Variants in KRT77 observed in about 807,000 individuals in gnomAD.
The protein encoded by KRT77 is keratin, type II cytoskeletal 1b.
KRT77 carries 44 observed loss-of-function variants against 51.5 expected under a neutral mutation model. The ratio of observed to expected loss-of-function variants is 0.85; its 90% CI spans 0.67 to 1.10. KRT77 has a LOEUF of 1.10. KRT77 is among the 50% of genes least tolerant of loss of function. The pLI is 0.00. For synonymous variants in KRT77, 293 were observed against 302.0 expected (o/e 0.97, Z 0.31); for missense variants, 763 against 743.9 (o/e 1.03, Z -0.30).
intron 1 of KRT77, among the ~76,000 whole-genome samples, chr12:52,699,078 C>T (rs1039578971): frequency 3.9e-5 from 6 of 152,194 alleles, no homozygotes; most frequent in African/African-American, 1.4e-4. Flanking sequence ...CTCATTTTTG[C>T]TCACCTTATC....
Position 52,691,043 on chromosome 12 carries a change from G to T in KRT77, c.*122C>A. On this transcript the variant is annotated 3_prime_UTR_variant, in exon 9 of 9. Transcript: ENST00000341809. The stretch of plus-strand genomic sequence containing the variant: ...TTCCCCCATTAGAGTCGAATTTATT[G>T]GCAAAATTGCTGAGACCCATTAAGA... The T allele has an allele frequency of 4.9e-6, 7 of 1,431,302 alleles. No individual in the cohort carries two copies. The highest frequency in any genetic ancestry group is 1.3e-5 in the South Asian group (1 of 78,144). The allele number at this position is 1,431,302 out of a possible 1,614,324, so 88.7% of individuals were successfully genotyped here.
chr12:52,692,040 A>G, intron 7 of KRT77, 68 bp from the exon 8 acceptor site: 2 of 1,536,726 alleles, frequency 1.3e-6, no homozygotes, highest in Middle Eastern at 3.4e-4. Flanking sequence ...TGGCCCACAG[A>G]CATCTGGATC....
At position 52,694,693 on chromosome 12, in the gene KRT77, A is replaced by T. The variant is rs753599284; in HGVS notation, c.1013T>A (p.Val338Glu). 2.5e-6 allele frequency: 4 copies of T among 1,614,012 alleles called. No homozygotes were observed. Among genetic ancestry groups the T allele is most frequent in the Non-Finnish European group, 3.4e-6 (4 of 1,179,870 alleles). Residue 338 changes from valine (V) to glutamate (E), a missense_variant, in exon 5 of 9, where the codon GTG (valine) becomes GAG (glutamate). Val to Glu is a moderately radical substitution (Grantham distance 121). Coordinates refer to ENST00000341809, the MANE Select transcript of KRT77 (RefSeq NM_175078.3). ...SLDLDSIIDAVRTQYELIAQR... is the reference protein window; with the variant it reads ...SLDLDSIIDAERTQYELIAQR... ...TGCAATCAGTTCATACTGGGTCCGC[A>T]CTGCATCGATGATGCTGTCCAGGTC...
rs765155474 is a variant in KRT77 at position 52,691,305 on chromosome 12, T to TCCACTCCC, written c.1596_1597insGGGAGTGG (p.Arg533GlyfsTer92). The TCCACTCCC allele has an allele frequency of 6.2e-6, 10 of 1,603,430 alleles. No homozygotes were observed. In the East Asian group the frequency reaches 1.8e-4, roughly 29 times the overall value. On this transcript the variant is annotated frameshift_variant, in exon 9 of 9. Coordinates refer to ENST00000341809, the MANE Select transcript of KRT77 (RefSeq NM_175078.3). LOFTEE classifies it low-confidence loss of function (END_TRUNC). ...CCGCTGCCATAACCGCCTCCACTCCTGCCTCGTGCCCCGCCTCCGCGGTAG... is the reference window on the plus strand; with the variant it reads ...CCGCTGCCATAACCGCCTCCACTCCTCCACTCCCGCCTCGTGCCCCGCCTCCGCGGTAG...
chr12:52,692,692 G>A lies in KRT77; in HGVS notation c.1207-51C>T, dbSNP rs765890405. 1.1e-5 allele frequency: 17 copies of A among 1,594,638 alleles called. 1 individual carries two copies. Among genetic ancestry groups the A allele is most frequent in the South Asian group, 4.4e-5 (4 of 90,424 alleles). ...TTTAATGGTTAAGTTTCCAGAGCTCGATCTGGCAGGGCATTGTAGGAGGTG... is the reference window on the plus strand; with the variant it reads ...TTTAATGGTTAAGTTTCCAGAGCTCAATCTGGCAGGGCATTGTAGGAGGTG... On this transcript the variant is annotated intron_variant, in intron 6 of 8. Coordinates refer to ENST00000341809, the MANE Select transcript of KRT77 (RefSeq NM_175078.3).
At position 52,698,090 on chromosome 12, in the gene KRT77, A is replaced by G. The variant is rs1430958555; in HGVS notation, c.544-194T>C. The G allele has an allele frequency of 3.4e-6, 5 of 1,487,598 alleles. No individual in the cohort carries two copies. The African/African-American group carries it at 5.6e-5, about 17-fold the overall frequency. 92.1% of individuals were successfully genotyped at this position (1,487,598 alleles called of 1,614,324 possible). ...GTGGTTTCTGACTGCCAATGGCTGT[A>G]AGGTCAACTTGCCTAAAATTGACAC... is the stretch of plus-strand genomic sequence containing the variant. On this transcript the variant is annotated intron_variant, in intron 1 of 8. Transcript: ENST00000341809.
intron 4 of KRT77, 86 bp from the exon 5 acceptor site, chr12:52,694,876 G>GGGAAGCC (rs1317105206): frequency 1.5e-6 from 2 of 1,290,948 alleles, no homozygotes; most frequent in Non-Finnish European, 2.1e-6. Flanking sequence ...AGGCTCTCGG[G>GGGAAGCC]GGAAGCCAGA....
chr12:52,696,332 G>C (rs1592273224), intron 3 of KRT77, 38 bp downstream of exon 3: 3 of 1,603,194 alleles, frequency 1.9e-6, no homozygotes, highest in Non-Finnish European at 2.6e-6. Context: ...TCAGCCTCCT[G>C]GGTCCACAGC....
In KRT77 at chr12:52,695,768, T is replaced by C. The variant is rs1462597385; in HGVS notation, c.915+4A>G. 6.2e-7 allele frequency: 1 copy of C among 1,603,370 alleles called. No individual in the cohort carries two copies. Among genetic ancestry groups the C allele is most frequent in the East Asian group, 2.2e-5 (1 of 44,828 alleles). ...AAGGAGGTTCTTATAAAGGCTTAAC[T>C]CACCGTCAAAAATAAATATTTCAAG... On this transcript the variant is annotated splice_donor_region_variant and intron_variant, in intron 4 of 8. Coordinates refer to ENST00000341809, the MANE Select transcript of KRT77 (RefSeq NM_175078.3).
chr12:52,697,667 T>C lies in KRT77; in HGVS notation c.758+15A>G. 1 of 1,601,764 alleles carries C rather than the reference T, an allele frequency of 6.2e-7. No individual in the cohort carries two copies. Reference sequence around the variant, plus strand: ...GCCATGCTTCTCCCCTGTTTTGCCCTGCCTGGAGTCTCACTTGCTCTTGTA... The same window carrying C: ...GCCATGCTTCTCCCCTGTTTTGCCCCGCCTGGAGTCTCACTTGCTCTTGTA... On this transcript the variant is annotated intron_variant, in intron 2 of 8. Transcript: ENST00000341809.
At chr12:52,695,480 C>T (rs902379829) in intron 4 of KRT77, 1 of 313,222 alleles carries the variant, frequency 3.2e-6, no homozygotes, top group African/African-American at 2.1e-5. Flanking sequence ...TGGTTTTGCC[C>T]CTTATATGTC....
At position 52,703,299 on chromosome 12, in the gene KRT77, C is replaced by A. The variant is rs111504070; in HGVS notation, c.136G>T (p.Gly46Cys). 9.2e-4 allele frequency: 1,484 copies of A among 1,614,136 alleles called. 11 individuals carry two copies. The African/African-American group carries it at 0.017, about 18-fold the overall frequency. Residue 46 changes from glycine (G) to cysteine (C), a missense_variant, in exon 1 of 9, where the codon GGT (glycine) becomes TGT (cysteine). By Grantham distance (159) the Gly-to-Cys change is radical. Coordinates refer to ENST00000341809, the MANE Select transcript of KRT77 (RefSeq NM_175078.3). ...SVCYARGRCG[G>C]GGYGIHGRGF... is the part of the protein sequence containing the mutation. ...CTTCCATGGATCCCATATCCACCAC[C>A]ACCACACCTCCCTCGAGCATAACAC...
chr12:52,695,655 G>A (rs1941784734), intron 4 of KRT77, 117 bp downstream of exon 4: 7 of 633,332 alleles, frequency 1.1e-5, no homozygotes, highest in Middle Eastern at 6.4e-4. Context: ...TGGGGTACCT[G>A]GGGAGATGAG....
Position 52,691,341 on chromosome 12 carries a change from C to G in KRT77, c.1561G>C (p.Gly521Arg), listed in dbSNP as rs1941704542. The change falls in exon 9 of 9, where the codon GGC (glycine) becomes CGC (arginine). Residue 521 changes from glycine (G) to arginine (R), a missense_variant. Transcript: ENST00000341809. The part of the protein sequence containing the change: ...YGGGSGGGYG[G>R]GRSYRGGGAR... ...CCGCCTCCGCGGTAGCTTCTTCCGC[C>G]GCCATAGCCCCCACCGCTGCCGCCG... 3 of 1,591,168 alleles carry G rather than the reference C, an allele frequency of 1.9e-6. No homozygotes were observed. Among genetic ancestry groups the G allele is most frequent in the Non-Finnish European group, 8.6e-7 (1 of 1,169,008 alleles).
At position 52,691,023 on chromosome 12, in the gene KRT77, C is replaced by A. The variant is rs1480630553; in HGVS notation, c.*142G>T. On this transcript the variant is annotated 3_prime_UTR_variant, in exon 9 of 9. Coordinates refer to ENST00000341809, the MANE Select transcript of KRT77 (RefSeq NM_175078.3). ...TTTGGACTTATCCACCCTGCTTCCCCCATTAGAGTCGAATTTATTGGCAAA... is the reference window on the plus strand; with the variant it reads ...TTTGGACTTATCCACCCTGCTTCCCACATTAGAGTCGAATTTATTGGCAAA... The A allele has an allele frequency of 8.5e-6, 10 of 1,175,494 alleles. No homozygotes were observed. Among genetic ancestry groups the A allele is most frequent in the African/African-American group, 1.5e-5 (1 of 66,332 alleles). The allele number at this position is 1,175,494 out of a possible 1,614,324, so 72.8% of individuals were successfully genotyped here. A position where few individuals can be genotyped will look rare whatever the true frequency, so the allele number is the denominator to read the frequency against.
intron 3 of KRT77, among the ~76,000 whole-genome samples, 164 bp from the exon 4 acceptor site, chr12:52,696,031 G>A (rs7138607): frequency 0.41 from 62,412 of 151,986 alleles, 13,070 homozygotes; most frequent in South Asian, 0.45. Flanking sequence ...TGGCTTTCCT[G>A]GCCAGAAGGA....
At position 52,691,331 on chromosome 12, in the gene KRT77, C is replaced by T. The variant is rs201634299; in HGVS notation, c.1571G>A (p.Ser524Asn). ...GSGGGYGGGR[S>N]YRGGGARGRS... ...GCCTCGTGCCCCGCCTCCGCGGTAG[C>T]TTCTTCCGCCGCCATAGCCCCCACC... Residue 524 changes from serine to asparagine, a missense_variant, in exon 9 of 9, where the codon AGC becomes AAC. Physicochemically the swap from Ser to Asn is conservative, Grantham distance 46. Coordinates refer to ENST00000341809, the MANE Select transcript of KRT77 (RefSeq NM_175078.3). The T allele has an allele frequency of 3.9e-5, 62 of 1,599,668 alleles. No individual in the cohort carries two copies. The African/African-American group carries it at 6.6e-4, about 17-fold the overall frequency.
In KRT77 at chr12:52,692,834, T is replaced by G; in HGVS notation, c.1127A>C (p.Lys376Thr). 6.2e-7 allele frequency: 1 copy of G among 1,604,150 alleles called. No homozygotes were observed. The highest frequency in any genetic ancestry group is 8.5e-7 in the Non-Finnish European group (1 of 1,171,586). The change falls in exon 6 of 9, where the codon AAG becomes ACG. Residue 376 changes from lysine to threonine, a missense_variant. Lys to Thr is a moderately conservative substitution (Grantham distance 78). Coordinates refer to ENST00000341809, the MANE Select transcript of KRT77 (RefSeq NM_175078.3). ...CTCTGCAATCTCCATCTTGCTGTTCTTCAGGTCGTCTCCATGTCTCCCTGC... is the reference window on the plus strand; with the variant it reads ...CTCTGCAATCTCCATCTTGCTGTTCGTCAGGTCGTCTCCATGTCTCCCTGC... ...ITAGRHGDDL[K>T]NSKMEIAELN...
In KRT77 at chr12:52,691,921, T is replaced by G. The variant is rs554147122; in HGVS notation, c.1462+17A>C. The G allele has an allele frequency of 1.2e-6, 2 of 1,613,866 alleles. No homozygotes were observed. The highest frequency in any genetic ancestry group is 2.7e-5 in the African/African-American group (2 of 75,054). The stretch of plus-strand genomic sequence containing the variant: ...AGCACCACCAGCCTCTCTCTGCCCC[T>G]GGGCTCTGCTACTTACAGATGCTCA... On this transcript the variant is annotated intron_variant, in intron 8 of 8. Transcript: ENST00000341809.
Sources: allele counts gnomAD v4.1 joint callset (sites outside exome capture counted in the v4.1 genomes callset), GRCh38; gene constraint gnomAD v4.1.1; transcripts MANE v1.5; gene names NCBI Gene and HGNC (gene_info 2026-07-23, HGNC 2026-07-21).